The following CTNNA3 variants were observed in gnomAD, a reference collection of about 807,000 sequenced individuals.
The protein encoded by CTNNA3 is catenin alpha-3.
CTNNA3 carries 76 observed loss-of-function variants against 95.7 expected under a neutral mutation model. The ratio of observed to expected loss-of-function variants is 0.79; its 90% CI spans 0.66 to 0.96. The LOEUF (loss-of-function observed/expected upper bound fraction) is 0.96, where lower values mean the gene tolerates loss of function less well. Among genes scored for constraint, CTNNA3 ranks in the 40% least tolerant of loss-of-function variants. CTNNA3 has a pLI of 0.00. For synonymous variants in CTNNA3, 431 were observed against 374.4 expected, an observed-to-expected ratio of 1.15 and a Z score of -1.74; for missense variants, 1,191 against 1,089.8, an observed-to-expected ratio of 1.09 and a Z score of -1.31.
At chr10:67,635,121 GA>G (rs554022580) in intron 2 of CTNNA3, among the ~76,000 whole-genome samples, 3 of 151,870 alleles carry the variant, frequency 2.0e-5, no homozygotes, top group East Asian at 3.9e-4. Flanking sequence ...ACTGAACCAG[GA>G]AAAAACTGAA....
At chr10:67,050,320 G>T (rs1855005113) in intron 7 of CTNNA3, among the ~76,000 whole-genome samples, 1 of 152,128 alleles carries the variant, frequency 6.6e-6, no homozygotes, top group Admixed American at 6.5e-5. Flanking sequence ...CCTTTCTTGA[G>T]CGTTCGGTCT....
At chr10:66,325,703 T>C (rs1016269474) in intron 12 of CTNNA3, among the ~76,000 whole-genome samples, 2 of 151,826 alleles carry the variant, frequency 1.3e-5, no homozygotes, top group African/African-American at 4.8e-5. Context: ...TCTGAGGCTG[T>C]TTAGCCACAA....
intron 15 of CTNNA3, among the ~76,000 whole-genome samples, chr10:66,063,565 C>T (rs1033615122): frequency 8.6e-5 from 13 of 151,584 alleles, no homozygotes; most frequent in Admixed American, 1.3e-4. Context: ...GATTCCTATA[C>T]GCCACTATGT....
intron 13 of CTNNA3, among the ~76,000 whole-genome samples, chr10:66,227,800 C>T (rs2089392592): frequency 6.6e-6 from 1 of 152,000 alleles, no homozygotes; most frequent in Non-Finnish European, 1.5e-5. Context: ...TGGTCCTAGG[C>T]TTTGTGCTGT....
At chr10:67,342,380 G>A (rs1842241082) in intron 5 of CTNNA3, among the ~76,000 whole-genome samples, 1 of 152,094 alleles carries the variant, frequency 6.6e-6, no homozygotes, top group Non-Finnish European at 1.5e-5. Context: ...GGGATTACAG[G>A]CGTGAGCCAC....
chr10:67,119,927 C>G (rs920884397), intron 7 of CTNNA3, among the ~76,000 whole-genome samples: 1 of 151,820 alleles, frequency 6.6e-6, no homozygotes, highest in African/African-American at 2.4e-5. Context: ...CAGGCAGAAT[C>G]CACCACTGCA....
chr10:66,468,398 A>G (rs1299185799), intron 11 of CTNNA3, among the ~76,000 whole-genome samples: 1 of 151,998 alleles, frequency 6.6e-6, no homozygotes, highest in African/African-American at 2.4e-5. Flanking sequence ...CTACATATTA[A>G]TGTTATTTAG....
chr10:67,306,299 C>T (rs1017253434), intron 5 of CTNNA3, among the ~76,000 whole-genome samples: 2 of 152,100 alleles, frequency 1.3e-5, no homozygotes, highest in Admixed American at 1.3e-4. Context: ...TTATACCAGA[C>T]ATTGGGGTAT....
chr10:67,566,712 A>T (rs1841816341), intron 3 of CTNNA3, among the ~76,000 whole-genome samples: 1 of 152,094 alleles, frequency 6.6e-6, no homozygotes, highest in Non-Finnish European at 1.5e-5. Context: ...CTATAAAGAC[A>T]CATGCACATG....
chr10:67,356,986 G>A (rs1405949308), intron 5 of CTNNA3, among the ~76,000 whole-genome samples: 1 of 152,014 alleles, frequency 6.6e-6, no homozygotes, highest in Non-Finnish European at 1.5e-5. Flanking sequence ...ATGCATTTCT[G>A]CAGTCAATTC....
chr10:66,815,291 T>C (rs1024447674), intron 7 of CTNNA3, among the ~76,000 whole-genome samples: 2 of 152,140 alleles, frequency 1.3e-5, no homozygotes, highest in South Asian at 2.1e-4. Flanking sequence ...GCAAATTTTA[T>C]GGTATATGAA....
intron 7 of CTNNA3, among the ~76,000 whole-genome samples, chr10:66,954,149 T>G (rs757875941): frequency 1.3e-5 from 2 of 152,200 alleles, no homozygotes; most frequent in African/African-American, 2.4e-5. Context: ...CATAAAATAT[T>G]TATTTAAAAT....
intron 12 of CTNNA3, among the ~76,000 whole-genome samples, chr10:66,375,614 A>G (rs1310431457): frequency 6.6e-6 from 1 of 151,976 alleles, no homozygotes; most frequent in Non-Finnish European, 1.5e-5. Context: ...TGTTTTAATC[A>G]AGCTACAAAA....
chr10:66,235,146 A>G (rs67876961), intron 13 of CTNNA3, among the ~76,000 whole-genome samples: 35,372 of 152,168 alleles, frequency 0.23, 4,175 homozygotes, highest in Admixed American at 0.28. Context: ...GATAAGCCAA[A>G]TTATACCCAG....
intron 1 of CTNNA3, among the ~76,000 whole-genome samples, chr10:67,760,699 G>A (rs1369411869): frequency 6.6e-6 from 1 of 152,060 alleles, no homozygotes; most frequent in Non-Finnish European, 1.5e-5. Context: ...TACCGCCTGA[G>A]CTCCACCTCC....
intron 13 of CTNNA3, among the ~76,000 whole-genome samples, chr10:66,184,014 G>C (rs1402200550): frequency 1.3e-5 from 2 of 151,980 alleles, no homozygotes; most frequent in African/African-American, 2.4e-5. Flanking sequence ...TGTGTATGAG[G>C]TTTTTATAAA....
At chr10:67,097,126 G>C (rs897710328) in intron 7 of CTNNA3, among the ~76,000 whole-genome samples, 1 of 151,794 alleles carries the variant, frequency 6.6e-6, no homozygotes, top group Admixed American at 6.6e-5. Context: ...GTGGCAGGGG[G>C]TTGACTAGTT....
intron 14 of CTNNA3, among the ~76,000 whole-genome samples, chr10:66,074,745 CACTT>C (rs150978935): frequency 0.015 from 2,208 of 151,966 alleles, 49 homozygotes; most frequent in African/African-American, 0.051. Flanking sequence ...TATCTTATCT[CACTT>C]ACTAGAGATG....
intron 14 of CTNNA3, among the ~76,000 whole-genome samples, chr10:66,096,105 T>G (rs2081377024): frequency 6.6e-6 from 1 of 152,198 alleles, no homozygotes; most frequent in Non-Finnish European, 1.5e-5. Flanking sequence ...TTGTTTTTAA[T>G]GTTCTATTCA....
Sources: gnomAD v4.1 joint callset for allele counts (sites outside exome capture counted in the v4.1 genomes callset) on GRCh38, gnomAD v4.1.1 for gene constraint, MANE v1.5 for transcripts, NCBI Gene and HGNC (gene_info 2026-07-23, HGNC 2026-07-21) for gene names.